The following SEZ6L variants were observed in gnomAD, a reference collection of about 807,000 sequenced individuals.
SEZ6L encodes seizure 6-like protein.
A neutral mutation model predicts 106.2 loss-of-function variants in SEZ6L; 37 were observed. The observed-to-expected ratio is 0.35, with a 90% CI of 0.27 to 0.46. The LOEUF (loss-of-function observed/expected upper bound fraction) is 0.46, where lower values mean the gene tolerates loss of function less well. SEZ6L is among the 20% of genes least tolerant of loss of function. SEZ6L has a pLI of 1.00. For synonymous variants in SEZ6L, 541 were observed against 570.4 expected (o/e 0.95, Z 0.73); for missense variants, 1,172 against 1,332.8 (o/e 0.88, Z 1.88).
chr22:26,282,579 T>G (rs1421500739), intron 1 of SEZ6L, among the ~76,000 whole-genome samples: 2 of 152,070 alleles, frequency 1.3e-5, no homozygotes, highest in African/African-American at 4.8e-5. Flanking sequence ...TGGATGCTCT[T>G]GAGAAAAAAG....
chr22:26,240,313 C>T (rs1023820946), intron 1 of SEZ6L, among the ~76,000 whole-genome samples: 1 of 152,036 alleles, frequency 6.6e-6, no homozygotes, highest in Non-Finnish European at 1.5e-5. Context: ...TCATCAGGTA[C>T]GTCCCACATT....
At chr22:26,234,576 C>G (rs940152480) in intron 1 of SEZ6L, among the ~76,000 whole-genome samples, 4 of 152,354 alleles carry the variant, frequency 2.6e-5, no homozygotes, top group South Asian at 2.1e-4. Context: ...CAGCATTCTT[C>G]CTCTGTATGA....
intron 9 of SEZ6L, among the ~76,000 whole-genome samples, chr22:26,336,053 C>A (rs1358241550): frequency 6.6e-6 from 1 of 152,174 alleles, no homozygotes; most frequent in Non-Finnish European, 1.5e-5. Context: ...AGGGCTCAGA[C>A]TGGAATAGCT....
chr22:26,215,342 C>T (rs959310045), intron 1 of SEZ6L, among the ~76,000 whole-genome samples: 49 of 152,072 alleles, frequency 3.2e-4, no homozygotes, highest in African/African-American at 1.1e-3. Context: ...AAACATTTTA[C>T]CCAATAGGTA....
chr22:26,290,303 G>A (rs912330805), intron 1 of SEZ6L, among the ~76,000 whole-genome samples: 2 of 152,152 alleles, frequency 1.3e-5, no homozygotes, highest in Non-Finnish European at 2.9e-5. Context: ...AGGCCGAGGC[G>A]GGTGGATCAC....
chr22:26,324,877 T>G (rs904978113), intron 9 of SEZ6L, among the ~76,000 whole-genome samples: 4 of 152,180 alleles, frequency 2.6e-5, no homozygotes, highest in African/African-American at 9.7e-5. Context: ...CCAAATTCAC[T>G]GGCATAAAAC....
chr22:26,293,236 G>A, intron 2 of SEZ6L, 90 bp downstream of exon 2: 1 of 1,429,144 alleles, frequency 7.0e-7, no homozygotes, highest in Non-Finnish European at 9.1e-7. Context: ...ATCTCAAGAA[G>A]CCCCGGCCCC....
At chr22:26,350,099 A>G (rs2083222004) in intron 11 of SEZ6L, among the ~76,000 whole-genome samples, 1 of 151,950 alleles carries the variant, frequency 6.6e-6, no homozygotes, top group Admixed American at 6.6e-5. Flanking sequence ...TTTTAAAAAA[A>G]TCGCAAATAA....
In SEZ6L at chr22:26,283,009, C is replaced by T. The variant is rs569021580; in HGVS notation, c.95-9397C>T. On this transcript the variant is annotated intron_variant, in intron 1 of 16. Transcript: ENST00000248933. ...GATTTTGGCTCACTGCAACCTCCACCTCCCGGGTTCAAGCGATTCTTCTGC... is the reference window on the plus strand; with the variant it reads ...GATTTTGGCTCACTGCAACCTCCACTTCCCGGGTTCAAGCGATTCTTCTGC... 1.3e-3 allele frequency among the ~76,000 whole-genome samples: 201 copies of T among 152,234 alleles called. 1 individual carries two copies. Among genetic ancestry groups the T allele is most frequent in the African/African-American group, 4.5e-3 (185 of 41,536 alleles).
chr22:26,261,783 G>A (rs191681046), intron 1 of SEZ6L, among the ~76,000 whole-genome samples: 39 of 152,280 alleles, frequency 2.6e-4, no homozygotes, highest in African/African-American at 7.9e-4. Context: ...GTAGATAAGC[G>A]TGAATAAAAT....
intron 1 of SEZ6L, among the ~76,000 whole-genome samples, 154 bp downstream of exon 1, chr22:26,169,917 C>G (rs1294875299): frequency 6.6e-6 from 1 of 152,152 alleles, no homozygotes; most frequent in Admixed American, 6.5e-5. Flanking sequence ...ACCGCACGTC[C>G]CCTTGGCCCG....
intron 9 of SEZ6L, among the ~76,000 whole-genome samples, chr22:26,329,436 C>T (rs925001613): frequency 6.6e-6 from 1 of 152,022 alleles, no homozygotes; most frequent in Non-Finnish European, 1.5e-5. Flanking sequence ...CCATTGCACT[C>T]CAGCCTGGAT....
intron 1 of SEZ6L, among the ~76,000 whole-genome samples, chr22:26,279,468 C>A (rs115581642): frequency 0.014 from 2,204 of 152,246 alleles, 48 homozygotes; most frequent in African/African-American, 0.051. Flanking sequence ...TTCTTTCCTG[C>A]CTTTCCTGTC....
At chr22:26,304,385 A>AAAG (rs1556332171) in intron 5 of SEZ6L, among the ~76,000 whole-genome samples, 1 of 112,282 alleles carries the variant, frequency 8.9e-6, no homozygotes, top group Non-Finnish European at 1.9e-5. Flanking sequence ...AGAAAGAAAG[A>AAAG]AAGAAAGAAA....
At chr22:26,287,171 G>A (rs2080963432) in intron 1 of SEZ6L, among the ~76,000 whole-genome samples, 1 of 152,050 alleles carries the variant, frequency 6.6e-6, no homozygotes, top group Non-Finnish European at 1.5e-5. Flanking sequence ...AACTTGGATG[G>A]CAGAACAAAT....
intron 1 of SEZ6L, among the ~76,000 whole-genome samples, chr22:26,241,666 A>C (rs1427818484): frequency 6.6e-6 from 1 of 152,228 alleles, no homozygotes; most frequent in South Asian, 2.1e-4. Flanking sequence ...GGAAGAAGGC[A>C]GGAGGAGAAA....
intron 1 of SEZ6L, among the ~76,000 whole-genome samples, chr22:26,226,905 A>T (rs918904910): frequency 1.3e-5 from 2 of 152,180 alleles, no homozygotes; most frequent in Non-Finnish European, 2.9e-5. Flanking sequence ...TGAAGAATGA[A>T]ACCACACAAT....
chr22:26,231,035 T>C (rs2078782704), intron 1 of SEZ6L, among the ~76,000 whole-genome samples: 1 of 152,152 alleles, frequency 6.6e-6, no homozygotes, highest in East Asian at 1.9e-4. Flanking sequence ...AGGAAAGAAT[T>C]CAAGGGCCAG....
chr22:26,331,239 C>T (rs1377069535), intron 9 of SEZ6L, among the ~76,000 whole-genome samples: 2 of 152,214 alleles, frequency 1.3e-5, no homozygotes, highest in Non-Finnish European at 2.9e-5. Flanking sequence ...GTTCGCTGGT[C>T]TGTGTCAGAT....
Sources: allele counts gnomAD v4.1 joint callset (sites outside exome capture counted in the v4.1 genomes callset), GRCh38; gene constraint gnomAD v4.1.1; transcripts MANE v1.5; gene names NCBI Gene and HGNC (gene_info 2026-07-23, HGNC 2026-07-21).